The following CCDC7 variants were observed in gnomAD, a reference collection of about 807,000 sequenced individuals.
CCDC7 encodes the protein coiled-coil domain containing 7, also known as coiled-coil domain-containing protein 7.
A neutral mutation model predicts 196.9 loss-of-function variants in CCDC7; 183 were observed. The ratio of observed to expected loss-of-function variants is 0.93; its 90% confidence interval spans 0.82 to 1.05. The LOEUF (loss-of-function observed/expected upper bound fraction) is 1.05, where lower values mean the gene tolerates loss of function less well. CCDC7 is among the 50% of genes least tolerant of loss of function. CCDC7 has a pLI of 0.00. For missense variants in CCDC7, 1,540 were observed against 1,482.2 expected, an observed-to-expected ratio of 1.04 and a Z score of -0.64; for synonymous variants, 525 against 484.6, an observed-to-expected ratio of 1.08 and a Z score of -1.10.
intron 18 of CCDC7, among the ~76,000 whole-genome samples, chr10:32,616,501 T>C (rs925317431): frequency 2.0e-5 from 3 of 151,922 alleles, no homozygotes; most frequent in African/African-American, 4.8e-5. Flanking sequence ...TTTCTGTATA[T>C]TAATTTTGCA....
At chr10:32,683,068 C>T (rs1298471665) in intron 21 of CCDC7, among the ~76,000 whole-genome samples, 1 of 152,054 alleles carries the variant, frequency 6.6e-6, no homozygotes, top group Non-Finnish European at 1.5e-5. Flanking sequence ...ATATCTTTGC[C>T]AAGTCCTACA....
At position 32,474,945 on chromosome 10, in the gene CCDC7, C is replaced by T. The variant is rs977141893; in HGVS notation, c.796+922C>T. Among the ~76,000 whole-genome samples, 5 of 152,284 alleles carry T rather than the reference C, an allele frequency of 3.3e-5. No homozygotes were observed. The East Asian group carries it at 9.7e-4, about 29-fold the overall frequency. On this transcript the variant is annotated intron_variant, in intron 8 of 41. Coordinates refer to ENST00000639629, the Ensembl canonical transcript of CCDC7. Reference sequence around the variant, plus strand: ...ACTTCAGCTTTAAACCCAAACGTTGCCATGTTTAAACCAAGGACAGCTGCA... The same window carrying T: ...ACTTCAGCTTTAAACCCAAACGTTGTCATGTTTAAACCAAGGACAGCTGCA...
At chr10:32,490,858 T>A (rs112316114) in intron 8 of CCDC7, among the ~76,000 whole-genome samples, 1,945 of 152,302 alleles carry the variant, frequency 0.013, 47 homozygotes, top group African/African-American at 0.045. Context: ...GTAAACATTT[T>A]AAATTATTCT....
At chr10:32,719,258 A>T (rs1490467200) in intron 25 of CCDC7, among the ~76,000 whole-genome samples, 1 of 152,238 alleles carries the variant, frequency 6.6e-6, no homozygotes, top group Non-Finnish European at 1.5e-5. Flanking sequence ...AAACCTGACA[A>T]AAACAAGCAA....
intron 21 of CCDC7, among the ~76,000 whole-genome samples, chr10:32,683,751 G>A (rs1291951667): frequency 6.6e-6 from 1 of 152,162 alleles, no homozygotes; most frequent in Non-Finnish European, 1.5e-5. Flanking sequence ...AATTGCCAAT[G>A]GGAATTCCAC....
chr10:32,619,553 AAG>A (rs1324345896), intron 18 of CCDC7, among the ~76,000 whole-genome samples: 9 of 152,302 alleles, frequency 5.9e-5, no homozygotes, highest in African/African-American at 1.7e-4. Context: ...TGTTAAAGGC[AAG>A]AATAATGAGG....
At chr10:32,658,876 G>T (rs1248513770) in intron 20 of CCDC7, among the ~76,000 whole-genome samples, 1 of 152,078 alleles carries the variant, frequency 6.6e-6, no homozygotes, top group African/African-American at 2.4e-5. Context: ...TTGTATTTCT[G>T]TGGTCAGTTG....
chr10:32,593,377 T>C (rs4749731), intron 18 of CCDC7, among the ~76,000 whole-genome samples: 67,626 of 152,006 alleles, frequency 0.44, 15,770 homozygotes, highest in East Asian at 0.58. Context: ...TATCCTTTGC[T>C]CACTTTTTGA....
intron 17 of CCDC7, 73 bp downstream of exon 18, chr10:32,583,380 T>A: frequency 1.0e-6 from 1 of 985,000 alleles, no homozygotes; most frequent in Non-Finnish European, 1.3e-6. Flanking sequence ...CTAACCCATT[T>A]AAATGGGTTA....
intron 29 of CCDC7, among the ~76,000 whole-genome samples, chr10:32,801,487 A>T (rs1030396266): frequency 2.6e-5 from 4 of 152,160 alleles, no homozygotes. Context: ...GCCTGTTCCA[A>T]CTTTGTGTTC....
chr10:32,477,035 G>C (rs2039095764), intron 8 of CCDC7, among the ~76,000 whole-genome samples: 1 of 149,464 alleles, frequency 6.7e-6, no homozygotes, highest in Non-Finnish European at 1.5e-5. Flanking sequence ...AGTGTCTTTT[G>C]CAGAGCCAGA....
chr10:32,739,725 G>A (rs557326132), intron 28 of CCDC7, among the ~76,000 whole-genome samples: 1 of 151,584 alleles, frequency 6.6e-6, no homozygotes, highest in African/African-American at 2.4e-5. Context: ...ATAATGTATT[G>A]GACAATAGGA....
At chr10:32,861,270 C>T (rs879073837) in intron 41 of CCDC7, among the ~76,000 whole-genome samples, 12 of 152,064 alleles carry the variant, frequency 7.9e-5, no homozygotes, top group African/African-American at 2.9e-4. Flanking sequence ...TAATGCCACA[C>T]ATGTAGAACC....
chr10:32,599,597 TG>T (rs753485258), intron 18 of CCDC7, among the ~76,000 whole-genome samples: 17 of 152,178 alleles, frequency 1.1e-4, no homozygotes, highest in Non-Finnish European at 2.2e-4. Flanking sequence ...TTAGATTTTT[TG>T]TGGTTAATAT....
chr10:32,758,402 T>C (rs2076847524), intron 28 of CCDC7, among the ~76,000 whole-genome samples: 2 of 152,162 alleles, frequency 1.3e-5, no homozygotes, highest in Admixed American at 1.3e-4. Flanking sequence ...TTATCCACCA[T>C]GATCAAGTTG....
At chr10:32,672,242 A>G (rs1305128548) in intron 21 of CCDC7, among the ~76,000 whole-genome samples, 3 of 152,162 alleles carry the variant, frequency 2.0e-5, no homozygotes, top group Non-Finnish European at 4.4e-5. Context: ...GCTAAGAATG[A>G]GAATATTGAT....
intron 9 of CCDC7, among the ~76,000 whole-genome samples, chr10:32,515,408 A>AT (rs1242383798): frequency 6.6e-6 from 1 of 152,232 alleles, no homozygotes; most frequent in Non-Finnish European, 1.5e-5. Context: ...AAAGTCCACA[A>AT]ATAAACCCTT....
At chr10:32,738,741 T>A (rs4539219) in intron 28 of CCDC7, among the ~76,000 whole-genome samples, 38,221 of 151,948 alleles carry the variant, frequency 0.25, 5,376 homozygotes, top group South Asian at 0.44. Flanking sequence ...CCCAAAATGC[T>A]GGGACTACAG....
intron 32 of CCDC7, among the ~76,000 whole-genome samples, chr10:32,828,479 GGAAGAGGAAGAAGAAGAA>G (rs769424943): frequency 0.023 from 1,379 of 61,186 alleles, 19 homozygotes; most frequent in African/African-American, 0.028. Context: ...AAGAGGAAGA[GGAAGAGGAAGAAGAAGAA>G]GAAGAAGAAG....
Sources: gnomAD v4.1 joint callset for allele counts (sites outside exome capture counted in the v4.1 genomes callset) on GRCh38, gnomAD v4.1.1 for gene constraint, MANE v1.5 for transcripts, NCBI Gene and HGNC (gene_info 2026-07-23, HGNC 2026-07-21) for gene names.